Variants in MYO19 observed in about 807,000 individuals in gnomAD.
The protein encoded by MYO19 is myosin XIX.
Under a neutral mutation model 129.2 loss-of-function variants are expected in MYO19, and 132 were observed. That is an observed-to-expected ratio of 1.02 (90% CI 0.89 to 1.18). The LOEUF (loss-of-function observed/expected upper bound fraction) is 1.18. MYO19 is among the 50% of genes most tolerant of loss of function. The pLI is 0.00. For missense variants in MYO19, 1,210 were observed against 1,216.7 expected, an observed-to-expected ratio of 0.99 and a Z score of 0.08; for synonymous variants, 531 against 477.2, an observed-to-expected ratio of 1.11 and a Z score of -1.47.
chr17:36,518,550 ATATGTGTATGTG>A (rs1555581834), intron 6 of MYO19, among the ~76,000 whole-genome samples: 2 of 99,702 alleles, frequency 2.0e-5, no homozygotes, highest in South Asian at 3.2e-4. Flanking sequence ...ATATATATAT[ATATGTGTATGTG>A]TATATATATG....
intron 14 of MYO19, 85 bp downstream of exon 14, chr17:36,508,977 C>G (rs1232757187): frequency 8.4e-7 from 1 of 1,187,484 alleles, no homozygotes; most frequent in Non-Finnish European, 1.2e-6. Flanking sequence ...CAGAGTCACA[C>G]AGTGGACCCA....
intron 4 of MYO19, 143 bp from the exon 5 acceptor site, chr17:36,527,842 C>T (rs2073575156): frequency 8.8e-7 from 1 of 1,136,864 alleles, no homozygotes; most frequent in Non-Finnish European, 1.2e-6. Context: ...AGAAAAGATA[C>T]AAGATCTAAT....
chr17:36,502,759 A>T (rs1029207328), intron 21 of MYO19: 1 of 306,306 alleles, frequency 3.3e-6, no homozygotes, highest in African/African-American at 2.2e-5. Flanking sequence ...TCATACCCAC[A>T]CTGCTGCCTC....
At chr17:36,506,867 G>A (rs1324618369) in intron 17 of MYO19, 96 bp downstream of exon 17, 2 of 1,379,864 alleles carry the variant, frequency 1.4e-6, no homozygotes, top group Non-Finnish European at 1.9e-6. Context: ...AGGTTCAGGA[G>A]AGAAAGGACT....
intron 23 of MYO19, chr17:36,500,592 C>T (rs1386912352): frequency 1.4e-5 from 8 of 558,228 alleles, no homozygotes; most frequent in South Asian, 9.9e-5. Context: ...GCTTAGACAA[C>T]GCTTAGCCTC....
intron 6 of MYO19, among the ~76,000 whole-genome samples, chr17:36,522,980 TG>T (rs1257715441): frequency 1.4e-5 from 2 of 143,526 alleles, no homozygotes; most frequent in Non-Finnish European, 3.0e-5. Flanking sequence ...CACTCCAGCC[TG>T]GGCAACAGAG....
rs371215098 is a variant in MYO19, at chr17:36,501,168, C to T, written c.2148G>A (p.Pro716=). The T allele has an allele frequency of 2.3e-5, 37 of 1,613,898 alleles. No individual in the cohort carries two copies. The highest frequency in any genetic ancestry group is 1.0e-4 in the Admixed American group (6 of 60,008). The change falls in exon 22 of 26, where the codon CCG becomes CCA. Residue 716 remains proline (P), a synonymous_variant. Transcript: ENST00000614623. ...PLIQDILHTL[P]VLTQAAAITG... is the part of the protein sequence containing the mutation. The stretch of plus-strand genomic sequence containing the variant: ...TTATGGCTGCTGCCTGAGTTAGGAC[C>T]GGCAGAGTGTGGAGAATGTCCTGGA...
intron 6 of MYO19, among the ~76,000 whole-genome samples, chr17:36,522,274 C>T (rs1419868180): frequency 2.0e-5 from 3 of 151,394 alleles, no homozygotes; most frequent in Non-Finnish European, 4.4e-5. Context: ...CTTTGGGAGG[C>T]CGAGGCAGGT....
intron 3 of MYO19, among the ~76,000 whole-genome samples, chr17:36,530,286 CA>C (rs1426750499): frequency 6.6e-6 from 1 of 152,084 alleles, no homozygotes; most frequent in Non-Finnish European, 1.5e-5. Context: ...CACTGGGCAA[CA>C]AAGTGAGACC....
chr17:36,539,727 A>C (rs1182074934), upstream of MYO19, among the ~76,000 whole-genome samples: 1 of 152,216 alleles, frequency 6.6e-6, no homozygotes, highest in Non-Finnish European at 1.5e-5. Flanking sequence ...GGGATTTAAG[A>C]AGCACAGCAC....
rs537783063 is a variant in MYO19 at position 36,495,882 on chromosome 17, C to T, written c.*369G>A. ...TTTTTCCCAGCCCAAATTCCAGCGC[C>T]AATTTTAGGCCAACTTTGGCTGTTT... On this transcript the variant is annotated 3_prime_UTR_variant, in exon 26 of 26. Coordinates refer to ENST00000614623, the MANE Select transcript of MYO19 (RefSeq NM_001163735.2). The T allele has an allele frequency of 7.3e-4, 897 of 1,234,768 alleles. 1 individual carries two copies. Among genetic ancestry groups the T allele is most frequent in the Admixed American group, 1.6e-3 (39 of 25,042 alleles). 76.5% of individuals were successfully genotyped at this position (1,234,768 alleles called of 1,614,324 possible).
chr17:36,538,437 A>C (rs746855667), upstream of MYO19: 24 of 1,614,072 alleles, frequency 1.5e-5, no homozygotes, highest in South Asian at 2.6e-4. Context: ...AGCTCTAAAC[A>C]GAAAACAGTT....
upstream of MYO19, among the ~76,000 whole-genome samples, chr17:36,536,322 ACCAAGGCC>A (rs1436806732): frequency 6.6e-6 from 1 of 152,116 alleles, no homozygotes; most frequent in Non-Finnish European, 1.5e-5. Context: ...CTGAACTGGA[ACCAAGGCC>A]CCCAACTTCA....
intron 6 of MYO19, among the ~76,000 whole-genome samples, chr17:36,521,292 G>A (rs2073115996): frequency 6.6e-6 from 1 of 152,064 alleles, no homozygotes; most frequent in Middle Eastern, 3.2e-3. Flanking sequence ...GACACTCTAG[G>A]ATCATTATTT....
chr17:36,526,427 G>A (rs1353513560), intron 5 of MYO19, among the ~76,000 whole-genome samples: 1 of 152,012 alleles, frequency 6.6e-6, no homozygotes, highest in Non-Finnish European at 1.5e-5. Flanking sequence ...AATGCATCAT[G>A]CACTTTTACA....
intron 9 of MYO19, 72 bp from the exon 10 acceptor site, chr17:36,513,797 G>A (rs530602318): frequency 7.3e-7 from 1 of 1,372,824 alleles, no homozygotes; most frequent in African/African-American, 1.4e-5. Context: ...GGCAGGCATG[G>A]GGTTGGGATA....
chr17:36,512,046 G>C (rs745945843), intron 11 of MYO19, among the ~76,000 whole-genome samples: 24 of 152,240 alleles, frequency 1.6e-4, no homozygotes, highest in African/African-American at 4.8e-4. Flanking sequence ...CCAAGGCCCA[G>C]CAACTTCAAA....
intron 21 of MYO19, among the ~76,000 whole-genome samples, chr17:36,502,198 T>C (rs1012615655): frequency 6.6e-6 from 1 of 152,116 alleles, no homozygotes; most frequent in African/African-American, 2.4e-5. Flanking sequence ...TCTGCCTGTG[T>C]CTGGGCCCTG....
intron 21 of MYO19, 55 bp downstream of exon 21, chr17:36,503,042 T>TA (rs1279048207): frequency 7.0e-7 from 1 of 1,431,540 alleles, no homozygotes; most frequent in Non-Finnish European, 9.9e-7. Context: ...GGGCACAGGG[T>TA]AGATGCTCAG....
Sources: allele counts gnomAD v4.1 joint callset (sites outside exome capture counted in the v4.1 genomes callset), GRCh38; gene constraint gnomAD v4.1.1; transcripts MANE v1.5; gene names NCBI Gene and HGNC (gene_info 2026-07-23, HGNC 2026-07-21).